ATRNL1: variants seen among roughly 807,000 people sequenced by gnomAD.
ATRNL1 encodes attractin-like protein 1.
In ATRNL1, 95 loss-of-function variants were observed where a neutral mutation model predicts 182.7. That is an observed-to-expected ratio of 0.52 (90% confidence interval 0.44 to 0.62). The LOEUF is 0.62. ATRNL1 is among the 20% of genes least tolerant of loss of function. ATRNL1 has a pLI of 0.00. For missense variants in ATRNL1, 1,471 were observed against 1,679.5 expected (o/e 0.88, Z 2.17); for synonymous variants, 576 against 568.3 (o/e 1.01, Z -0.19).
intron 27 of ATRNL1, among the ~76,000 whole-genome samples, chr10:115,727,990 A>C (rs1243847746): frequency 6.6e-6 from 1 of 151,770 alleles, no homozygotes; most frequent in Non-Finnish European, 1.5e-5. Flanking sequence ...AAGATGCAAA[A>C]TTCGGCCGGG....
chr10:115,717,650 A>G (rs1211618078), intron 26 of ATRNL1, among the ~76,000 whole-genome samples: 1 of 144,772 alleles, frequency 6.9e-6, no homozygotes, highest in African/African-American at 2.6e-5. Context: ...ATCCCGGGTT[A>G]AAGCGATTGT....
In ATRNL1 at chr10:115,287,859, C is replaced by G. The variant is rs564641340; in HGVS notation, c.2415+1462C>G. On this transcript the variant is annotated intron_variant, in intron 15 of 28. Transcript: ENST00000355044. Reference sequence around the variant, plus strand: ...TTAATAAATCTCTTCTTATCCCTCCCTTTCGCCTTACTCTTCCCAGCCTCT... The same window carrying G: ...TTAATAAATCTCTTCTTATCCCTCCGTTTCGCCTTACTCTTCCCAGCCTCT... Among the ~76,000 whole-genome samples the G allele has an allele frequency of 4.0e-5, 6 of 151,636 alleles. No homozygotes were observed. The East Asian group carries it at 1.2e-3, about 29-fold the overall frequency.
chr10:115,609,353 C>T (rs1857036286), intron 26 of ATRNL1, among the ~76,000 whole-genome samples: 1 of 152,146 alleles, frequency 6.6e-6, no homozygotes, highest in Non-Finnish European at 1.5e-5. Flanking sequence ...AGGAAAGACA[C>T]TCTGCTCTGA....
At chr10:115,471,064 CTTGT>C (rs1848287309) in intron 24 of ATRNL1, among the ~76,000 whole-genome samples, 2 of 150,560 alleles carry the variant, frequency 1.3e-5, no homozygotes, top group Non-Finnish European at 3.0e-5. Flanking sequence ...TTGTGACTGA[CTTGT>C]TTATTTAGCA....
At chr10:115,652,280 G>A (rs12246466) in intron 26 of ATRNL1, among the ~76,000 whole-genome samples, 5 of 151,560 alleles carry the variant, frequency 3.3e-5, no homozygotes, top group African/African-American at 9.7e-5. Context: ...AAGTTAGAGG[G>A]TTTTCTATTT....
At chr10:115,201,533 A>T (rs1477287150) in intron 8 of ATRNL1, among the ~76,000 whole-genome samples, 1 of 152,098 alleles carries the variant, frequency 6.6e-6, no homozygotes, top group Non-Finnish European at 1.5e-5. Context: ...CAAAGATCTG[A>T]TAGTTGTAGA....
At chr10:115,868,168 T>C (rs531830031) in intron 28 of ATRNL1, among the ~76,000 whole-genome samples, 233 of 152,332 alleles carry the variant, frequency 1.5e-3, no homozygotes, top group African/African-American at 5.4e-3. Flanking sequence ...TCGAGTGATA[T>C]GCATCTTAGT....
chr10:115,137,735 A>C (rs1340133567), intron 5 of ATRNL1, among the ~76,000 whole-genome samples: 1 of 152,190 alleles, frequency 6.6e-6, no homozygotes, highest in Non-Finnish European at 1.5e-5. Context: ...ATTCAAGATG[A>C]GATTTGGGTG....
chr10:115,271,712 A>G (rs116175002), intron 13 of ATRNL1, among the ~76,000 whole-genome samples: 1,783 of 152,202 alleles, frequency 0.012, 34 homozygotes, highest in African/African-American at 0.04. Context: ...ACCTGCTTGT[A>G]GTTTTTTATC....
intron 26 of ATRNL1, among the ~76,000 whole-genome samples, chr10:115,587,374 A>G (rs1565190697): frequency 6.6e-6 from 1 of 151,662 alleles, no homozygotes; most frequent in Non-Finnish European, 1.5e-5. Flanking sequence ...GCCGCCTTGC[A>G]GTTTGATCTC....
At chr10:115,327,065 A>G (rs1438569494) in intron 18 of ATRNL1, among the ~76,000 whole-genome samples, 1 of 151,126 alleles carries the variant, frequency 6.6e-6, no homozygotes, top group Admixed American at 6.6e-5. Flanking sequence ...AATGGCAACA[A>G]AAGCCAAAAT....
intron 28 of ATRNL1, among the ~76,000 whole-genome samples, chr10:115,910,829 C>T (rs375755069): frequency 1.3e-5 from 2 of 152,106 alleles, no homozygotes; most frequent in African/African-American, 4.8e-5. Context: ...CTTCTCATCC[C>T]GCCTGCCAAT....
chr10:115,098,536 A>C (rs1554863774), intron 1 of ATRNL1, among the ~76,000 whole-genome samples: 1 of 133,134 alleles, frequency 7.5e-6, no homozygotes, highest in East Asian at 2.2e-4. Flanking sequence ...ATCTCGGCTC[A>C]CTGCAAGCTC....
intron 19 of ATRNL1, among the ~76,000 whole-genome samples, chr10:115,376,627 G>C (rs782615970): frequency 2.6e-5 from 4 of 152,152 alleles, no homozygotes; most frequent in Non-Finnish European, 5.9e-5. Flanking sequence ...TCAAAGTGCT[G>C]TGATTATAGG....
intron 28 of ATRNL1, among the ~76,000 whole-genome samples, chr10:115,906,310 G>A (rs1387532548): frequency 9.2e-5 from 14 of 152,192 alleles, no homozygotes; most frequent in African/African-American, 1.7e-4. Flanking sequence ...CTTTGAGGGT[G>A]AGAATTTGAT....
At position 115,368,902 on chromosome 10, in the gene ATRNL1, C is replaced by T. The variant is rs545345133; in HGVS notation, c.3176-25757C>T. 1.3e-4 allele frequency among the ~76,000 whole-genome samples: 20 copies of T among 151,858 alleles called. 1 individual carries two copies. The highest frequency in any genetic ancestry group is 6.2e-4 in the South Asian group (3 of 4,802). On this transcript the variant is annotated intron_variant, in intron 19 of 28. Coordinates refer to ENST00000355044, the MANE Select transcript of ATRNL1 (RefSeq NM_207303.4). ...CTAATTTTTGTATATTTAGTAGAGA[C>T]GGGGTTTCACCATGTTGGTAAAGCT...
At chr10:115,130,886 TAAA>T in intron 5 of ATRNL1, among the ~76,000 whole-genome samples, 1 of 152,130 alleles carries the variant, frequency 6.6e-6, no homozygotes, top group Non-Finnish European at 1.5e-5. Context: ...TCAGCAGTCT[TAAA>T]AGCAAATGAG....
intron 28 of ATRNL1, among the ~76,000 whole-genome samples, chr10:115,931,562 G>C (rs1953395150): frequency 6.6e-6 from 1 of 152,134 alleles, no homozygotes; most frequent in South Asian, 2.1e-4. Context: ...AGAAGATCTT[G>C]CTTTAATCAG....
At chr10:115,337,814 T>C (rs1367680685) in intron 19 of ATRNL1, among the ~76,000 whole-genome samples, 3 of 152,152 alleles carry the variant, frequency 2.0e-5, no homozygotes, top group African/African-American at 7.2e-5. Flanking sequence ...CCCCAACATT[T>C]TTGGCATCAG....
Sources: allele counts gnomAD v4.1 joint callset (sites outside exome capture counted in the v4.1 genomes callset), GRCh38; gene constraint gnomAD v4.1.1; transcripts MANE v1.5; gene names NCBI Gene and HGNC (gene_info 2026-07-23, HGNC 2026-07-21).